PCED1B: variants seen among roughly 807,000 people sequenced by gnomAD.
PCED1B encodes the protein PC-esterase domain-containing protein 1B.
For missense variants in PCED1B, 573 were observed against 573.9 expected (o/e 1.00, Z 0.02); for synonymous variants, 251 against 246.1 (o/e 1.02, Z -0.19).
chr12:47,187,889 G>C (rs1390868713), intron 2 of PCED1B: 2 of 154,110 alleles, frequency 1.3e-5, no homozygotes, highest in Non-Finnish European at 2.9e-5. Flanking sequence ...CCCAGAAGGA[G>C]CAAAACTTTC....
intron 2 of PCED1B, among the ~76,000 whole-genome samples, chr12:47,204,169 G>A (rs573518122): frequency 2.0e-5 from 3 of 152,144 alleles, no homozygotes; most frequent in East Asian, 3.9e-4. Flanking sequence ...AGCTGGTCTC[G>A]AACTCCTGAT....
At chr12:47,230,272 G>A (rs1943764672) in intron 3 of PCED1B, among the ~76,000 whole-genome samples, 1 of 150,888 alleles carries the variant, frequency 6.6e-6, no homozygotes, top group African/African-American at 2.4e-5. Flanking sequence ...TTTTAGTAGA[G>A]ACGGGGTTTC....
chr12:47,088,044 T>A (rs1464079650), intron 1 of PCED1B, among the ~76,000 whole-genome samples: 1 of 152,220 alleles, frequency 6.6e-6, no homozygotes, highest in African/African-American at 2.4e-5. Flanking sequence ...CCTTTTGGAT[T>A]CTCAGCTTCC....
intron 2 of PCED1B, among the ~76,000 whole-genome samples, chr12:47,140,070 T>C (rs954040475): frequency 6.6e-6 from 1 of 152,162 alleles, no homozygotes; most frequent in African/African-American, 2.4e-5. Flanking sequence ...AAAATAAGCA[T>C]TCTATTTTTT....
intron 2 of PCED1B, among the ~76,000 whole-genome samples, chr12:47,142,829 C>A (rs763606663): frequency 6.6e-6 from 1 of 151,464 alleles, no homozygotes; most frequent in Non-Finnish European, 1.5e-5. Context: ...AGAAGCCATG[C>A]GATACTATCA....
Position 47,089,374 on chromosome 12 carries a change from G to T in PCED1B, c.-609+9649G>T, listed in dbSNP as rs373712914. Among the ~76,000 whole-genome samples, 11 of 149,270 alleles carry T rather than the reference G, an allele frequency of 7.4e-5. No homozygotes were observed. The East Asian group carries it at 1.2e-3, about 16-fold the overall frequency. ...AGGCAGAAGAATGGCATGAACCCGG[G>T]TGGCGGGGCTTGCAGTGAGCTGAGA... is the stretch of plus-strand genomic sequence containing the variant. On this transcript the variant is annotated intron_variant, in intron 1 of 3. Coordinates refer to ENST00000546455, the MANE Select transcript of PCED1B (RefSeq NM_138371.3).
chr12:47,218,837 T>C (rs1943385338), intron 3 of PCED1B, among the ~76,000 whole-genome samples: 1 of 151,914 alleles, frequency 6.6e-6, no homozygotes, highest in Admixed American at 6.6e-5. Context: ...ATTCAAAAAA[T>C]GTTTTCCATA....
At chr12:47,159,807 T>C (rs540046331) in intron 2 of PCED1B, among the ~76,000 whole-genome samples, 1 of 152,000 alleles carries the variant, frequency 6.6e-6, no homozygotes, top group South Asian at 2.1e-4. Context: ...CATAAAATAT[T>C]TGTCAAAACC....
intron 2 of PCED1B, among the ~76,000 whole-genome samples, chr12:47,179,304 A>G (rs1942024439): frequency 6.6e-6 from 1 of 152,222 alleles, no homozygotes; most frequent in African/African-American, 2.4e-5. Flanking sequence ...AAGATGACAC[A>G]AGGGAACATC....
intron 2 of PCED1B, chr12:47,135,775 A>T: frequency 1.9e-6 from 1 of 523,432 alleles, no homozygotes; most frequent in South Asian, 1.4e-5. Flanking sequence ...ATCATGGTGA[A>T]CGCTGGAGGC....
intron 2 of PCED1B, among the ~76,000 whole-genome samples, chr12:47,155,542 T>A (rs562341005): frequency 2.6e-5 from 4 of 152,234 alleles, no homozygotes; most frequent in Non-Finnish European, 5.9e-5. Flanking sequence ...GACCAATTGT[T>A]GAACAAATAA....
At chr12:47,120,761 C>T (rs1440718600) in intron 2 of PCED1B, among the ~76,000 whole-genome samples, 1 of 152,166 alleles carries the variant, frequency 6.6e-6, no homozygotes, top group Non-Finnish European at 1.5e-5. Context: ...GAGATCATGT[C>T]ACTGCCTTTC....
Position 47,079,720 on chromosome 12 carries a change from C to A in PCED1B, c.-614C>A, listed in dbSNP as rs1331765643. ...TCTCCCGGGTTCCTCTCATTGCAGG[C>A]TGAAGGTACCGCCTCGGCGCTCTGG... On this transcript the variant is annotated 5_prime_UTR_variant, in exon 1 of 4. It adds an upstream start codon to the 5' untranslated region. Transcript: ENST00000546455. 6.6e-6 allele frequency: 1 copy of A among 151,714 alleles called. No individual in the cohort carries two copies. Among genetic ancestry groups the A allele is most frequent in the Non-Finnish European group, 1.5e-5 (1 of 67,868 alleles). 9.4% of individuals were successfully genotyped at this position (151,714 alleles called of 1,614,324 possible).
intron 2 of PCED1B, among the ~76,000 whole-genome samples, chr12:47,128,292 A>G (rs1043890981): frequency 2.6e-5 from 4 of 152,196 alleles, no homozygotes; most frequent in Non-Finnish European, 4.4e-5. Flanking sequence ...TAGGAACTTA[A>G]ATACATACAA....
In PCED1B at chr12:47,116,320, G is replaced by A. The variant is rs114094204; in HGVS notation, c.-526+12125G>A. Reference sequence around the variant, plus strand: ...TTGGAAAGGTACATAGTCTGTCAAAGCAACTGAATTATTTCTAGTCTGCAA... The same window carrying A: ...TTGGAAAGGTACATAGTCTGTCAAAACAACTGAATTATTTCTAGTCTGCAA... On this transcript the variant is annotated intron_variant, in intron 2 of 3. Transcript: ENST00000546455. Among the ~76,000 whole-genome samples, 1,397 of 152,212 alleles carry A rather than the reference G, an allele frequency of 9.2e-3. 29 individuals carry two copies. Among genetic ancestry groups the A allele is most frequent in the East Asian group, 0.076 (395 of 5,184 alleles).
chr12:47,171,727 G>A (rs962861996), intron 2 of PCED1B, among the ~76,000 whole-genome samples: 12 of 152,108 alleles, frequency 7.9e-5, no homozygotes, highest in Non-Finnish European at 1.2e-4. Flanking sequence ...TTTTCTCTCT[G>A]ATATTAGTAA....
chr12:47,128,438 A>G (rs986614565), intron 2 of PCED1B, among the ~76,000 whole-genome samples: 1 of 152,300 alleles, frequency 6.6e-6, no homozygotes, highest in Non-Finnish European at 1.5e-5. Flanking sequence ...CCCATGAGGT[A>G]CCTCAGCTGA....
At chr12:47,091,337 T>G (rs924933932) in intron 1 of PCED1B, among the ~76,000 whole-genome samples, 1 of 152,200 alleles carries the variant, frequency 6.6e-6, no homozygotes, top group Non-Finnish European at 1.5e-5. Flanking sequence ...CACATCTCTT[T>G]TATGAGACTT....
chr12:47,209,596 A>G (rs1943016368), intron 2 of PCED1B: 1 of 152,266 alleles, frequency 6.6e-6, no homozygotes, highest in African/African-American at 2.4e-5. Context: ...AAAAGAGTTG[A>G]TACACTTTAA....
Sources: gnomAD v4.1 joint callset for allele counts (sites outside exome capture counted in the v4.1 genomes callset) on GRCh38, gnomAD v4.1.1 for gene constraint, MANE v1.5 for transcripts, NCBI Gene and HGNC (gene_info 2026-07-23, HGNC 2026-07-21) for gene names.